CLDN10: variants seen among roughly 807,000 people sequenced by gnomAD.
CLDN10 encodes claudin-10.
A neutral mutation model predicts 22.9 loss-of-function variants in CLDN10; 15 were observed. The ratio of observed to expected loss-of-function variants is 0.65; its 90% CI spans 0.44 to 1.01. CLDN10 has a LOEUF of 1.01. CLDN10 is among the 50% of genes least tolerant of loss of function. The probability of loss-of-function intolerance (pLI) is 0.00; values close to 1 mark genes in which losing one functional copy is unlikely to be tolerated. For missense variants in CLDN10, 247 were observed against 287.8 expected, an observed-to-expected ratio of 0.86 and a Z score of 1.03; for synonymous variants, 114 against 111.4, an observed-to-expected ratio of 1.02 and a Z score of -0.15.
chr13:95,502,990 G>A (rs748850684), intron 1 of CLDN10, among the ~76,000 whole-genome samples: 2 of 152,214 alleles, frequency 1.3e-5, no homozygotes, highest in African/African-American at 2.4e-5. Context: ...GTCTCAACAG[G>A]TTCCCAGTGG....
chr13:95,541,943 G>C (rs897317970), intron 1 of CLDN10, among the ~76,000 whole-genome samples: 1 of 152,208 alleles, frequency 6.6e-6, no homozygotes. Flanking sequence ...TTTATAAAGA[G>C]AAAAGGTTTA....
intron 1 of CLDN10, among the ~76,000 whole-genome samples, chr13:95,546,917 C>T (rs1485290059): frequency 6.6e-6 from 1 of 152,098 alleles, no homozygotes; most frequent in African/African-American, 2.4e-5. Context: ...AGTTTCTGTT[C>T]CCCTTACTCT....
intron 1 of CLDN10, among the ~76,000 whole-genome samples, chr13:95,443,369 C>T (rs937091001): frequency 5.3e-5 from 8 of 152,108 alleles, no homozygotes; most frequent in Admixed American, 5.2e-4. Context: ...TATTGTATGA[C>T]GTAGACTAAC....
chr13:95,513,515 C>A (rs9645934), intron 1 of CLDN10, among the ~76,000 whole-genome samples: 371 of 149,758 alleles, frequency 2.5e-3, no homozygotes, highest in Admixed American at 3.6e-3. Flanking sequence ...TCTTTCACAC[C>A]CTTCTTGCTC....
intron 1 of CLDN10, among the ~76,000 whole-genome samples, chr13:95,470,856 T>C (rs1370957347): frequency 6.6e-6 from 1 of 152,098 alleles, no homozygotes; most frequent in African/African-American, 2.4e-5. Flanking sequence ...GTGGACAATT[T>C]TGGGACCTGG....
intron 1 of CLDN10, among the ~76,000 whole-genome samples, chr13:95,493,286 A>AT (rs983167845): frequency 1.6e-4 from 24 of 149,686 alleles, no homozygotes; most frequent in East Asian, 1.4e-3. Flanking sequence ...CCTGGCCCTA[A>AT]TTTTTTTTTT....
At chr13:95,571,695 G>A (rs2043863985) in intron 3 of CLDN10, among the ~76,000 whole-genome samples, 1 of 152,096 alleles carries the variant, frequency 6.6e-6, no homozygotes, top group South Asian at 2.1e-4. Flanking sequence ...AATTCATGCA[G>A]TTATATAGAT....
chr13:95,560,651 T>C (rs918949863), intron 3 of CLDN10, 188 bp downstream of exon 3: 10 of 588,088 alleles, frequency 1.7e-5, no homozygotes. Context: ...TTAATTAGTT[T>C]GCTAGTGTTG....
intron 3 of CLDN10, among the ~76,000 whole-genome samples, chr13:95,573,289 A>T (rs1292426164): frequency 6.6e-6 from 1 of 152,228 alleles, no homozygotes; most frequent in Non-Finnish European, 1.5e-5. Context: ...TCCTCTAAAA[A>T]CAATGTTTTC....
At chr13:95,465,284 C>T (rs2042572936) in intron 1 of CLDN10, among the ~76,000 whole-genome samples, 2 of 152,166 alleles carry the variant, frequency 1.3e-5, no homozygotes, top group African/African-American at 4.8e-5. Flanking sequence ...CACTGGGTCC[C>T]TCCCACAACA....
intron 1 of CLDN10, among the ~76,000 whole-genome samples, chr13:95,450,825 CAT>C (rs995115432): frequency 4.6e-5 from 7 of 152,200 alleles, no homozygotes; most frequent in East Asian, 1.9e-4. Flanking sequence ...TAAAAAGAAA[CAT>C]ATTCACTGTT....
intron 1 of CLDN10, among the ~76,000 whole-genome samples, chr13:95,523,600 C>T (rs71433027): frequency 0.1 from 15,121 of 151,962 alleles, 909 homozygotes; most frequent in Non-Finnish European, 0.12. Context: ...AATATTTTTT[C>T]ATTTTATATG....
chr13:95,502,065 C>T (rs2042991732), intron 1 of CLDN10, among the ~76,000 whole-genome samples: 1 of 152,146 alleles, frequency 6.6e-6, no homozygotes, highest in Non-Finnish European at 1.5e-5. Context: ...CCATTTATAA[C>T]CACCCCAGCC....
intron 1 of CLDN10, among the ~76,000 whole-genome samples, chr13:95,486,301 T>A (rs192761766): frequency 1.3e-5 from 2 of 152,200 alleles, no homozygotes; most frequent in Admixed American, 1.3e-4. Context: ...TGTGGGTGGA[T>A]CACTTGAGGT....
chr13:95,474,282 G>T (rs2042663947), intron 1 of CLDN10, among the ~76,000 whole-genome samples: 1 of 152,142 alleles, frequency 6.6e-6, no homozygotes. Flanking sequence ...TTGCAATAGG[G>T]TTCGTGCTCC....
upstream of CLDN10, among the ~76,000 whole-genome samples, chr13:95,549,684 C>T (rs1458215081): frequency 1.3e-5 from 2 of 152,152 alleles, no homozygotes; most frequent in African/African-American, 4.8e-5. Context: ...TCCACAGTAA[C>T]TATGTAGTAC....
intron 1 of CLDN10, among the ~76,000 whole-genome samples, chr13:95,467,230 G>A (rs2042589597): frequency 6.6e-6 from 1 of 151,944 alleles, no homozygotes; most frequent in Non-Finnish European, 1.5e-5. Context: ...TTTTGAAGCA[G>A]ATTCCAGATA....
intron 3 of CLDN10, among the ~76,000 whole-genome samples, chr13:95,570,296 G>T (rs967116011): frequency 3.9e-5 from 6 of 151,972 alleles, no homozygotes; most frequent in African/African-American, 1.5e-4. Flanking sequence ...TCTCACTTAC[G>T]GCCAAGCAAA....
rs71211686 is a variant in CLDN10 at position 95,555,047 on chromosome 13, G to GTTTTTTTT, written c.220+2087_220+2094dup. On this transcript the variant is annotated intron_variant, in intron 1 of 4. Transcript: ENST00000299339. Reference sequence around the variant, plus strand: ...ATTCTCACCACTCTGTGTTAATCCAGTTTTTTTTTTTTTTTTTTTTGAGAC... The same window carrying GTTTTTTTT: ...ATTCTCACCACTCTGTGTTAATCCAGTTTTTTTTTTTTTTTTTTTTTTTTTTTTGAGAC... Among the ~76,000 whole-genome samples the GTTTTTTTT allele has an allele frequency of 2.7e-4, 29 of 108,600 alleles. 1 individual carries two copies. Among genetic ancestry groups the GTTTTTTTT allele is most frequent in the South Asian group, 6.3e-4 (2 of 3,152 alleles). The allele number at this position is 108,600 out of a possible 152,430, so 71.2% of individuals were successfully genotyped here. A position where few individuals can be genotyped will look rare whatever the true frequency, so the allele number is the denominator to read the frequency against.
Sources: allele counts gnomAD v4.1 joint callset (sites outside exome capture counted in the v4.1 genomes callset), GRCh38; gene constraint gnomAD v4.1.1; transcripts MANE v1.5; gene names NCBI Gene and HGNC (gene_info 2026-07-23, HGNC 2026-07-21).